The following UBAC2 variants were observed in gnomAD, a reference collection of about 807,000 sequenced individuals.
The protein encoded by UBAC2 is ubiquitin-associated domain-containing protein 2.
UBAC2 carries 26 observed loss-of-function variants against 44.0 expected under a neutral mutation model. The ratio of observed to expected loss-of-function variants is 0.59; its 90% CI spans 0.43 to 0.82. UBAC2 has a LOEUF of 0.82. Among genes scored for constraint, UBAC2 ranks in the 40% least tolerant of loss-of-function variants. The pLI is 0.00. For synonymous variants in UBAC2, 155 were observed against 154.3 expected, an observed-to-expected ratio of 1.00 and a Z score of -0.04; for missense variants, 329 against 419.4, an observed-to-expected ratio of 0.78 and a Z score of 1.88.
intron 7 of UBAC2, among the ~76,000 whole-genome samples, chr13:99,356,494 A>C (rs1186653010): frequency 6.6e-6 from 1 of 152,236 alleles, no homozygotes; most frequent in African/African-American, 2.4e-5. Flanking sequence ...TTCTGCCTAG[A>C]AGAAATAGTA....
intron 4 of UBAC2, among the ~76,000 whole-genome samples, chr13:99,281,243 A>G (rs2138685125): frequency 1.3e-5 from 2 of 152,230 alleles, no homozygotes; most frequent in Middle Eastern, 6.8e-3. Flanking sequence ...ACAAAAAAGT[A>G]TAAAAGTTGA....
At chr13:99,354,979 G>C (rs1472871008) in intron 7 of UBAC2, among the ~76,000 whole-genome samples, 1 of 151,704 alleles carries the variant, frequency 6.6e-6, no homozygotes, top group African/African-American at 2.4e-5. Flanking sequence ...CATGAGCTGG[G>C]AAGTGGACAT....
chr13:99,320,518 T>C (rs1017579752), intron 6 of UBAC2, among the ~76,000 whole-genome samples: 7 of 152,192 alleles, frequency 4.6e-5, no homozygotes, highest in African/African-American at 1.7e-4. Context: ...CCTTCTACTA[T>C]GACAAAAAAT....
At chr13:99,222,188 G>C (rs1328673804) in intron 1 of UBAC2, among the ~76,000 whole-genome samples, 1 of 152,172 alleles carries the variant, frequency 6.6e-6, no homozygotes, top group African/African-American at 2.4e-5. Context: ...GACGGACAAA[G>C]AAGCAAACAA....
chr13:99,225,044 T>C lies in UBAC2; in HGVS notation c.32-13383T>C, dbSNP rs147918436. Among the ~76,000 whole-genome samples the C allele has an allele frequency of 1.8e-3, 280 of 152,336 alleles. 1 individual carries two copies. Among genetic ancestry groups the C allele is most frequent in the Admixed American group, 4.5e-3 (69 of 15,310 alleles). On this transcript the variant is annotated intron_variant, in intron 1 of 8. Transcript: ENST00000403766. Reference sequence around the variant, plus strand: ...ATGGTAATTATCAGATCTGTATTTTTAGGGGTTTGTTTGGTCCTGGACAGA... The same window carrying C: ...ATGGTAATTATCAGATCTGTATTTTCAGGGGTTTGTTTGGTCCTGGACAGA...
chr13:99,333,724 G>A (rs192255759), intron 6 of UBAC2, among the ~76,000 whole-genome samples: 2 of 152,288 alleles, frequency 1.3e-5, no homozygotes, highest in Admixed American at 1.3e-4. Context: ...TGGTCCTGCT[G>A]AAATTGAATA....
rs558507587 is a variant in UBAC2, at chr13:99,361,416, A to G, written c.808-6371A>G. On this transcript the variant is annotated intron_variant, in intron 7 of 8. Coordinates refer to ENST00000403766, the MANE Select transcript of UBAC2 (RefSeq NM_001144072.2). Reference sequence around the variant, plus strand: ...CTTTCTGCTTTTTAAGCACTTTTCTACTATCACAGGAGTAGAGGGATTGGG... The same window carrying G: ...CTTTCTGCTTTTTAAGCACTTTTCTGCTATCACAGGAGTAGAGGGATTGGG... Among the ~76,000 whole-genome samples the G allele has an allele frequency of 3.9e-5, 6 of 152,262 alleles. No individual in the cohort carries two copies. The East Asian group carries it at 9.6e-4, about 24-fold the overall frequency.
intron 2 of UBAC2, among the ~76,000 whole-genome samples, chr13:99,238,961 T>C (rs1462989106): frequency 6.6e-6 from 1 of 152,208 alleles, no homozygotes; most frequent in Non-Finnish European, 1.5e-5. Context: ...TTTTGATAAC[T>C]TTTACAGTGG....
intron 1 of UBAC2, chr13:99,201,454 C>T: frequency 1.9e-6 from 3 of 1,614,072 alleles, no homozygotes; most frequent in Admixed American, 1.7e-5. Context: ...TTTAGACAAA[C>T]ACACACTGAT....
intron 4 of UBAC2, among the ~76,000 whole-genome samples, chr13:99,312,068 T>C (rs2044418825): frequency 6.6e-6 from 1 of 152,262 alleles, no homozygotes; most frequent in African/African-American, 2.4e-5. Context: ...GCTGCGTTTG[T>C]GTTGATAGCA....
In UBAC2 at chr13:99,322,444, TG is replaced by T. The variant is rs775554960; in HGVS notation, c.561+4377del. On this transcript the variant is annotated intron_variant, in intron 6 of 8. Coordinates refer to ENST00000403766, the MANE Select transcript of UBAC2 (RefSeq NM_001144072.2). The stretch of plus-strand genomic sequence containing the variant: ...CGAGGTCTCAGGACTGATCTGATTC[TG>T]GCATGATTAAAATAGAAAGAGCCTT... Among the ~76,000 whole-genome samples, 4 of 152,366 alleles carry T rather than the reference TG, an allele frequency of 2.6e-5. No homozygotes were observed. The South Asian group carries it at 6.2e-4, about 24-fold the overall frequency.
At chr13:99,244,408 C>T (rs1422804183) in intron 3 of UBAC2, 107 bp from the exon 4 acceptor site, 128 of 645,558 alleles carry the variant, frequency 2.0e-4, no homozygotes, top group Non-Finnish European at 3.1e-4. Flanking sequence ...TATACACACA[C>T]ACACATACAT....
intron 4 of UBAC2, among the ~76,000 whole-genome samples, chr13:99,261,162 C>G (rs1425904688): frequency 6.6e-6 from 1 of 152,170 alleles, no homozygotes; most frequent in African/African-American, 2.4e-5. Flanking sequence ...GTGCGGGGAC[C>G]AGGGGTCCAC....
At chr13:99,343,019 G>GGTAGTC (rs1555330913) in intron 7 of UBAC2, among the ~76,000 whole-genome samples, 1 of 152,224 alleles carries the variant, frequency 6.6e-6, no homozygotes, top group Non-Finnish European at 1.5e-5. Flanking sequence ...CACCAGCTGT[G>GGTAGTC]GTAGTCGGTG....
intron 1 of UBAC2, chr13:99,215,708 C>T (rs1333393215): frequency 1.0e-5 from 15 of 1,500,406 alleles, no homozygotes; most frequent in East Asian, 4.6e-5. Flanking sequence ...AGCGGGAAAC[C>T]GCCTTTGTCT....
At chr13:99,235,317 G>T (rs1197758544) in intron 1 of UBAC2, among the ~76,000 whole-genome samples, 1 of 152,140 alleles carries the variant, frequency 6.6e-6, no homozygotes, top group African/African-American at 2.4e-5. Flanking sequence ...CCATGCTTAT[G>T]GTTTGGAAGA....
chr13:99,245,651 G>T (rs1223982011), intron 4 of UBAC2, among the ~76,000 whole-genome samples: 1 of 152,216 alleles, frequency 6.6e-6, no homozygotes, highest in Non-Finnish European at 1.5e-5. Flanking sequence ...GACCAGCCTG[G>T]TCAATATGGT....
chr13:99,213,329 A>C (rs1000114992), intron 1 of UBAC2, among the ~76,000 whole-genome samples: 4 of 151,388 alleles, frequency 2.6e-5, no homozygotes, highest in Non-Finnish European at 5.9e-5. Context: ...TGCTGGGATT[A>C]TAGGCATGAG....
chr13:99,203,658 A>T (rs938085831), intron 1 of UBAC2, among the ~76,000 whole-genome samples: 2 of 152,358 alleles, frequency 1.3e-5, no homozygotes, highest in South Asian at 2.1e-4. Flanking sequence ...AGCATCAAAC[A>T]GGCTAACAAG....
Sources: allele counts gnomAD v4.1 joint callset (sites outside exome capture counted in the v4.1 genomes callset), GRCh38; gene constraint gnomAD v4.1.1; transcripts MANE v1.5; gene names NCBI Gene and HGNC (gene_info 2026-07-23, HGNC 2026-07-21).